SORCS1: variants seen among roughly 807,000 people sequenced by gnomAD.
SORCS1 encodes the protein VPS10 domain-containing receptor SorCS1.
SORCS1 carries 60 observed loss-of-function variants against 146.1 expected under a neutral mutation model. The observed-to-expected ratio is 0.41, with a 90% CI of 0.33 to 0.51. SORCS1 has a LOEUF of 0.51. Among genes scored for constraint, SORCS1 ranks in the 20% least tolerant of loss-of-function variants. The probability of loss-of-function intolerance (pLI) is 0.21; values close to 1 mark genes in which losing one functional copy is unlikely to be tolerated. For missense variants in SORCS1, 1,352 were observed against 1,487.6 expected, an observed-to-expected ratio of 0.91 and a Z score of 1.50; for synonymous variants, 637 against 584.0, an observed-to-expected ratio of 1.09 and a Z score of -1.31.
chr10:106,917,626 C>G (rs890855510), intron 2 of SORCS1, among the ~76,000 whole-genome samples: 1 of 152,194 alleles, frequency 6.6e-6, no homozygotes, highest in Non-Finnish European at 1.5e-5. Flanking sequence ...ATCTTCCACA[C>G]CCTGTTGTGA....
At chr10:106,891,322 T>A (rs1951220465) in intron 2 of SORCS1, among the ~76,000 whole-genome samples, 1 of 151,874 alleles carries the variant, frequency 6.6e-6, no homozygotes, top group Non-Finnish European at 1.5e-5. Context: ...GAAGAAAAAG[T>A]ATTTTTAGAT....
intron 10 of SORCS1, among the ~76,000 whole-genome samples, chr10:106,682,290 C>T (rs1432026207): frequency 1.3e-5 from 2 of 152,166 alleles, no homozygotes; most frequent in Non-Finnish European, 2.9e-5. Context: ...AAAAAGACAC[C>T]AGTTCACTCA....
intron 1 of SORCS1, among the ~76,000 whole-genome samples, chr10:107,027,075 GATATACATAT>G (rs1460604249): frequency 6.2e-4 from 89 of 144,400 alleles, no homozygotes; most frequent in African/African-American, 2.3e-3. Context: ...ATATATATCA[GATATACATAT>G]ATATACATAT....
intron 19 of SORCS1, among the ~76,000 whole-genome samples, chr10:106,622,027 C>G (rs1210493623): frequency 6.6e-6 from 1 of 152,126 alleles, no homozygotes; most frequent in Admixed American, 6.5e-5. Context: ...TGTGGTGGCT[C>G]ATGCCTGTAA....
chr10:107,041,083 T>C (rs924756426), intron 1 of SORCS1, among the ~76,000 whole-genome samples: 4 of 152,146 alleles, frequency 2.6e-5, no homozygotes, highest in African/African-American at 7.2e-5. Context: ...TAGATTTACA[T>C]GTACTGACAC....
chr10:106,786,467 G>C (rs1160067810), intron 3 of SORCS1, among the ~76,000 whole-genome samples: 3 of 152,090 alleles, frequency 2.0e-5, no homozygotes, highest in Non-Finnish European at 4.4e-5. Context: ...TTCTTATATA[G>C]CAGTGGTTTC....
At position 106,845,031 on chromosome 10, in the gene SORCS1, G is replaced by A. The variant is rs1418665609; in HGVS notation, c.627-15358C>T. On this transcript the variant is annotated intron_variant, in intron 2 of 25. Transcript: ENST00000263054. ...AGTCTTTGCTATTGTGAATAATGCC[G>A]CAATAAACATACGTGTGCATATGTC... is the stretch of plus-strand genomic sequence containing the variant. Among the ~76,000 whole-genome samples the A allele has an allele frequency of 2.3e-4, 29 of 126,314 alleles. No individual in the cohort carries two copies. In the East Asian group the frequency reaches 2.3e-3, roughly 10 times the overall value. The allele number at this position is 126,314 out of a possible 152,430, so 82.9% of individuals were successfully genotyped here.
intron 6 of SORCS1, among the ~76,000 whole-genome samples, chr10:106,714,911 G>A (rs1386071742): frequency 6.6e-6 from 1 of 152,174 alleles, no homozygotes; most frequent in African/African-American, 2.4e-5. Flanking sequence ...GAATTACCAA[G>A]TTTAAAATAG....
chr10:106,731,302 A>G (rs1310710711), intron 5 of SORCS1, among the ~76,000 whole-genome samples: 1 of 149,910 alleles, frequency 6.7e-6, no homozygotes, highest in Non-Finnish European at 1.5e-5. Context: ...CAAAAAAAAA[A>G]AAAAAAAAAA....
chr10:106,738,750 G>A (rs2756252), intron 5 of SORCS1, among the ~76,000 whole-genome samples: 118,602 of 152,182 alleles, frequency 0.78, 47,170 homozygotes, highest in Non-Finnish European at 0.87. Flanking sequence ...CCAGTATTTT[G>A]GGAGGCTGAG....
intron 5 of SORCS1, among the ~76,000 whole-genome samples, chr10:106,758,382 CT>C (rs1446294402): frequency 6.6e-6 from 1 of 152,142 alleles, no homozygotes; most frequent in Non-Finnish European, 1.5e-5. Context: ...TTCATTGTTT[CT>C]ATTGGTAGGA....
Position 107,093,511 on chromosome 10 carries a change from A to G in SORCS1, c.558+70458T>C, listed in dbSNP as rs376271079. The stretch of plus-strand genomic sequence containing the variant: ...AACACAGTGAAACCCTGTCTCTACT[A>G]AAAATACAAAAATTAGTTGGGTATG... On this transcript the variant is annotated intron_variant, in intron 1 of 25. Transcript: ENST00000263054. 4.6e-4 allele frequency among the ~76,000 whole-genome samples: 70 copies of G among 152,242 alleles called. 1 individual carries two copies. Among genetic ancestry groups the G allele is most frequent in the African/African-American group, 1.6e-3 (68 of 41,538 alleles).
At chr10:106,673,132 G>C (rs1344172781) in intron 14 of SORCS1, 147 bp from the exon 15 acceptor site, 31 of 558,632 alleles carry the variant, frequency 5.5e-5, no homozygotes, top group Non-Finnish European at 7.4e-5. Flanking sequence ...TCATGAAGAG[G>C]GTACTTTTTT....
chr10:106,964,580 G>A (rs774890324), intron 1 of SORCS1, among the ~76,000 whole-genome samples: 1 of 152,056 alleles, frequency 6.6e-6, no homozygotes, highest in South Asian at 2.1e-4. Flanking sequence ...TCTGCCTCCC[G>A]GGTTCAAGCG....
chr10:106,707,636 G>A (rs1394907362), intron 7 of SORCS1, among the ~76,000 whole-genome samples: 2 of 152,110 alleles, frequency 1.3e-5, no homozygotes, highest in Non-Finnish European at 2.9e-5. Flanking sequence ...ACAAGCAGGT[G>A]CCACCACAGC....
At chr10:106,997,238 TATAA>T (rs1219712324) in intron 1 of SORCS1, among the ~76,000 whole-genome samples, 2 of 152,152 alleles carry the variant, frequency 1.3e-5, no homozygotes, top group African/African-American at 2.4e-5. Flanking sequence ...GTGGGTGTCT[TATAA>T]ATAGTTGGTG....
chr10:107,053,165 T>C (rs1960282682), intron 1 of SORCS1, among the ~76,000 whole-genome samples: 2 of 152,164 alleles, frequency 1.3e-5, no homozygotes, highest in South Asian at 4.1e-4. Flanking sequence ...AGAAACCCTG[T>C]CCCAAGTCAA....
intron 2 of SORCS1, among the ~76,000 whole-genome samples, chr10:106,931,034 C>T (rs1486054206): frequency 6.6e-6 from 1 of 152,096 alleles, no homozygotes; most frequent in Non-Finnish European, 1.5e-5. Context: ...AAATTATAGC[C>T]GTGTGATTCT....
At chr10:106,928,680 A>G (rs1448497398) in intron 2 of SORCS1, among the ~76,000 whole-genome samples, 1 of 152,190 alleles carries the variant, frequency 6.6e-6, no homozygotes, top group East Asian at 1.9e-4. Flanking sequence ...AAGCAAAGCC[A>G]CATGTGAGCA....
Sources: gnomAD v4.1 joint callset for allele counts (sites outside exome capture counted in the v4.1 genomes callset) on GRCh38, gnomAD v4.1.1 for gene constraint, MANE v1.5 for transcripts, NCBI Gene and HGNC (gene_info 2026-07-23, HGNC 2026-07-21) for gene names.